The following NDE1 variants were observed in gnomAD, a reference collection of about 807,000 sequenced individuals.
The protein encoded by NDE1 is nudE neurodevelopment protein 1.
NDE1 carries 28 observed loss-of-function variants against 43.4 expected under a neutral mutation model. The ratio of observed to expected loss-of-function variants is 0.65; its 90% CI spans 0.48 to 0.89. The LOEUF (loss-of-function observed/expected upper bound fraction) is 0.89, where lower values mean the gene tolerates loss of function less well. Among genes scored for constraint, NDE1 ranks in the 40% least tolerant of loss-of-function variants. The pLI is 0.00. For missense variants in NDE1, 441 were observed against 434.1 expected (o/e 1.02, Z -0.14); for synonymous variants, 184 against 172.0 (o/e 1.07, Z -0.55).
rs17284411 is a variant in NDE1, at chr16:15,719,776, G to A, written c.948-4415G>A. 871,274 of 1,608,740 alleles carry A rather than the reference G, an allele frequency of 0.54. 238,432 individuals are homozygous for A. Among genetic ancestry groups the A allele is most frequent in the South Asian group, 0.68 (61,821 of 91,006 alleles). On this transcript the variant is annotated intron_variant, in intron 8 of 8. Coordinates refer to ENST00000396354, the MANE Select transcript of NDE1 (RefSeq NM_017668.3). ...TTACTCCCCCAAGTTCTGCTGCCCA[G>A]TTCAGCTTTGCACACCCACCCCTTG... is the stretch of plus-strand genomic sequence containing the variant.
chr16:15,650,015 G>A (rs978656413), upstream of NDE1, among the ~76,000 whole-genome samples: 1 of 152,220 alleles, frequency 6.6e-6, no homozygotes, highest in Non-Finnish European at 1.5e-5. Context: ...CCGCCAGCCC[G>A]CCGCAGCCCA....
chr16:15,711,380 A>G (rs1003871415), intron 8 of NDE1: 1 of 152,060 alleles, frequency 6.6e-6, no homozygotes, highest in African/African-American at 2.4e-5. Flanking sequence ...CTCCCTTTTT[A>G]GTGGAGAAGT....
chr16:15,724,506 CGTT>C lies in NDE1; in HGVS notation c.*257_*259del. On this transcript the variant is annotated 3_prime_UTR_variant, in exon 9 of 9. Coordinates refer to ENST00000396354, the MANE Select transcript of NDE1 (RefSeq NM_017668.3). ...CTGAGAAGCGAAGACCATGTCTCCT[CGTT>C]GGAGAAACCCAATAGCAGGGGAAGC... 1.2e-6 allele frequency: 2 copies of C among 1,607,482 alleles called. No individual in the cohort carries two copies. The highest frequency in any genetic ancestry group is 4.5e-5 in the East Asian group (2 of 44,844).
upstream of NDE1, among the ~76,000 whole-genome samples, chr16:15,645,480 T>A (rs965085698): frequency 7.9e-5 from 12 of 152,170 alleles, no homozygotes; most frequent in African/African-American, 2.7e-4. Flanking sequence ...AAAAAATTTT[T>A]AAAAACAAAA....
At chr16:15,644,376 G>A (rs2036254730) in intron 1 of NDE1, among the ~76,000 whole-genome samples, 1 of 152,214 alleles carries the variant, frequency 6.6e-6, no homozygotes, top group Admixed American at 6.5e-5. Flanking sequence ...TGGAGGGCAG[G>A]ATCAGACATG....
chr16:15,725,132 GA>G lies in NDE1; in HGVS notation c.*882del. The G allele has an allele frequency of 3.5e-6, 2 of 579,584 alleles. No individual in the cohort carries two copies. The highest frequency in any genetic ancestry group is 6.0e-6 in the Non-Finnish European group (2 of 335,374). The allele number at this position is 579,584 out of a possible 1,614,324, so 35.9% of individuals were successfully genotyped here. ...AAATACCCGTGAGGTATGGGACTCT[GA>G]TAAAAAAAAAAAAAAACACACACAC... On this transcript the variant is annotated 3_prime_UTR_variant, in exon 9 of 9. Transcript: ENST00000396354.
At chr16:15,674,437 C>T (rs1271103311) in intron 3 of NDE1, among the ~76,000 whole-genome samples, 2 of 151,890 alleles carry the variant, frequency 1.3e-5, no homozygotes, top group Admixed American at 6.6e-5. Flanking sequence ...TTGGTAGAGA[C>T]GGGGTTTCAC....
chr16:15,719,827 A>G, intron 8 of NDE1: 1 of 1,452,496 alleles, frequency 6.9e-7, no homozygotes, highest in South Asian at 1.1e-5. Context: ...ACCACAAAGA[A>G]GTTCCCATTG....
intron 8 of NDE1, among the ~76,000 whole-genome samples, chr16:15,715,828 T>C (rs2040099064): frequency 6.6e-6 from 1 of 152,046 alleles, no homozygotes; most frequent in East Asian, 1.9e-4. Context: ...AAGTTTTTCA[T>C]AGAAACGGAG....
chr16:15,651,396 C>A (rs917651990), intron 1 of NDE1: 5 of 151,822 alleles, frequency 3.3e-5, no homozygotes, highest in Admixed American at 2.0e-4. Context: ...TACCCGACCA[C>A]CCCAGCCTCC....
chr16:15,717,259 C>G lies in NDE1; in HGVS notation c.948-6932C>G, dbSNP rs776794802. On this transcript the variant is annotated intron_variant, in intron 8 of 8. Coordinates refer to ENST00000396354, the MANE Select transcript of NDE1 (RefSeq NM_017668.3). ...TCTCGTGGAGCTTGCTCCGGAGCTC[C>G]TTGTTCTGCCGCTCGAGCTGCTGCC... 2 of 1,614,016 alleles carry G rather than the reference C, an allele frequency of 1.2e-6. No homozygotes were observed. The highest frequency in any genetic ancestry group is 1.7e-6 in the Non-Finnish European group (2 of 1,180,054).
chr16:15,693,855 G>A (rs531813411), intron 6 of NDE1, among the ~76,000 whole-genome samples: 3 of 152,144 alleles, frequency 2.0e-5, no homozygotes, highest in Non-Finnish European at 1.5e-5. Context: ...CAGGAGAATC[G>A]CTTGAACCTG....
At chr16:15,705,431 A>G (rs953836870) in intron 8 of NDE1, among the ~76,000 whole-genome samples, 3 of 152,210 alleles carry the variant, frequency 2.0e-5, no homozygotes, top group Non-Finnish European at 4.4e-5. Context: ...GGTAGGAGGA[A>G]GAGAGTGGGC....
intron 3 of NDE1, among the ~76,000 whole-genome samples, chr16:15,676,811 G>C (rs554716632): frequency 6.6e-6 from 1 of 152,252 alleles, no homozygotes; most frequent in East Asian, 1.9e-4. Context: ...CTACAGGCAA[G>C]AGCCACCATG....
At chr16:15,651,907 A>T (rs2036523622) in intron 1 of NDE1, 1 of 151,468 alleles carries the variant, frequency 6.6e-6, no homozygotes, top group Non-Finnish European at 1.5e-5. Flanking sequence ...GTTATTTATT[A>T]TTTATTTATT....
intron 8 of NDE1, chr16:15,715,234 T>C: frequency 6.2e-7 from 1 of 1,614,168 alleles, no homozygotes. Context: ...CAGCTTCTTG[T>C]CTTTCTGCTT....
upstream of NDE1, among the ~76,000 whole-genome samples, chr16:15,645,766 A>G: frequency 6.6e-6 from 1 of 152,248 alleles, no homozygotes. Flanking sequence ...CTTCACATGT[A>G]TGAAAACCGA....
intron 1 of NDE1, among the ~76,000 whole-genome samples, chr16:15,656,418 T>C (rs938070692): frequency 6.6e-6 from 1 of 152,170 alleles, no homozygotes; most frequent in Non-Finnish European, 1.5e-5. Context: ...TGCCCCACAA[T>C]AGACGCACCT....
rs75429817 is a variant in NDE1 at position 15,674,709 on chromosome 16, C to A, written c.238-3092C>A. Among the ~76,000 whole-genome samples the A allele has an allele frequency of 2.6e-5, 4 of 152,180 alleles. No homozygotes were observed. The East Asian group carries it at 7.7e-4, about 29-fold the overall frequency. On this transcript the variant is annotated intron_variant, in intron 3 of 8. Transcript: ENST00000396354. ...ACAAACAACAGAAGTCATTGAGATTCCTTTTTTTTTGCTTTTTGAGATAGC... is the reference window on the plus strand; with the variant it reads ...ACAAACAACAGAAGTCATTGAGATTACTTTTTTTTTGCTTTTTGAGATAGC...
Sources: allele counts gnomAD v4.1 joint callset (sites outside exome capture counted in the v4.1 genomes callset), GRCh38; gene constraint gnomAD v4.1.1; transcripts MANE v1.5; gene names NCBI Gene and HGNC (gene_info 2026-07-23, HGNC 2026-07-21).